TMEM209: variants seen among roughly 807,000 people sequenced by gnomAD.
TMEM209 encodes transmembrane protein 209, also known as testicular tissue protein Li 202.
A neutral mutation model predicts 76.2 loss-of-function variants in TMEM209; 65 were observed. That is an observed-to-expected ratio of 0.85 (90% CI 0.70 to 1.05). The LOEUF is 1.05. TMEM209 is among the 50% of genes least tolerant of loss of function. The pLI is 0.00. For missense variants in TMEM209, 623 were observed against 685.5 expected (o/e 0.91, Z 1.02); for synonymous variants, 239 against 237.6 (o/e 1.01, Z -0.06).
At chr7:130,170,601 T>C (rs545508180) in intron 13 of TMEM209, 128 bp from the exon 14 acceptor site, 21 of 741,976 alleles carry the variant, frequency 2.8e-5, no homozygotes, top group Middle Eastern at 3.9e-4. Context: ...CTTTCATTTA[T>C]TTATTAAACA....
At chr7:130,172,757 G>C (rs1308183879) in intron 13 of TMEM209, among the ~76,000 whole-genome samples, 1 of 151,994 alleles carries the variant, frequency 6.6e-6, no homozygotes, top group African/African-American at 2.4e-5. Flanking sequence ...CCAGCACTTT[G>C]GGAGGCCGAG....
intron 13 of TMEM209, 59 bp from the exon 14 acceptor site, chr7:130,170,532 G>T: frequency 7.6e-7 from 1 of 1,319,568 alleles, no homozygotes; most frequent in South Asian, 1.2e-5. Flanking sequence ...CAATCTGGTA[G>T]GTAAATACAT....
chr7:130,202,387 C>T (rs1798242231), intron 4 of TMEM209, 145 bp downstream of exon 4: 1 of 1,188,720 alleles, frequency 8.4e-7, no homozygotes, highest in Non-Finnish European at 1.2e-6. Context: ...GAATGATAAT[C>T]ATTGGTCATA....
chr7:130,169,775 C>T (rs548277576), intron 14 of TMEM209, among the ~76,000 whole-genome samples: 4 of 152,096 alleles, frequency 2.6e-5, no homozygotes, highest in Admixed American at 6.5e-5. Context: ...CTTAGTATGG[C>T]AGAGCTGGAC....
intron 14 of TMEM209, among the ~76,000 whole-genome samples, chr7:130,167,687 C>T (rs948304088): frequency 4.9e-4 from 74 of 152,188 alleles, no homozygotes; most frequent in African/African-American, 1.6e-3. Context: ...TCAAGTCTGT[C>T]TAGATTTTTT....
chr7:130,190,919 C>T (rs938657491), intron 6 of TMEM209, among the ~76,000 whole-genome samples: 1 of 151,056 alleles, frequency 6.6e-6, no homozygotes, highest in Non-Finnish European at 1.5e-5. Flanking sequence ...GGCACCTGAG[C>T]GCTGAATTCA....
rs566137590 is a variant in TMEM209, at chr7:130,179,278, A to G, written c.1121-751T>C. Among the ~76,000 whole-genome samples, 694 of 152,214 alleles carry G rather than the reference A, an allele frequency of 4.6e-3. 7 individuals are homozygous for G. Among genetic ancestry groups the G allele is most frequent in the Non-Finnish European group, 7.4e-3 (502 of 68,000 alleles). ...AAGCATTTTAATTTGCACGATCTAC[A>G]TTACCTAGAACCATTCCCAGCAAGA... On this transcript the variant is annotated intron_variant, in intron 9 of 14. Transcript: ENST00000397622.
At chr7:130,194,250 G>A (rs1797896703) in intron 5 of TMEM209, among the ~76,000 whole-genome samples, 1 of 151,174 alleles carries the variant, frequency 6.6e-6, no homozygotes, top group Non-Finnish European at 1.5e-5. Context: ...TGATCATGGG[G>A]GAGGCTATGC....
At chr7:130,205,151 C>T (rs1798399338) in intron 1 of TMEM209, 3 of 1,460,934 alleles carry the variant, frequency 2.1e-6, no homozygotes, top group South Asian at 2.8e-5. Flanking sequence ...TTTCGCGCCA[C>T]TCAGCCCCCG....
intron 10 of TMEM209, among the ~76,000 whole-genome samples, chr7:130,177,102 C>G (rs1182204093): frequency 6.6e-6 from 1 of 151,350 alleles, no homozygotes; most frequent in African/African-American, 2.4e-5. Context: ...CCTGTAATCC[C>G]AGCACTTTAG....
chr7:130,167,423 T>C (rs1193559782), intron 14 of TMEM209, among the ~76,000 whole-genome samples: 1 of 152,182 alleles, frequency 6.6e-6, no homozygotes, highest in Non-Finnish European at 1.5e-5. Flanking sequence ...GACTTGTTTG[T>C]ACATGAGTCT....
At chr7:130,188,415 T>A (rs1797677376) in intron 6 of TMEM209, among the ~76,000 whole-genome samples, 2 of 151,576 alleles carry the variant, frequency 1.3e-5, no homozygotes, top group Non-Finnish European at 2.9e-5. Context: ...GCTAACATGG[T>A]GAAACCCCGT....
chr7:130,181,766 C>A, intron 8 of TMEM209, 47 bp from the exon 9 acceptor site: 1 of 1,462,298 alleles, frequency 6.8e-7, no homozygotes. Flanking sequence ...TCCCAAGTAG[C>A]TGTCAAATAA....
intron 5 of TMEM209, among the ~76,000 whole-genome samples, chr7:130,195,693 C>T (rs184158245): frequency 4.4e-4 from 66 of 151,100 alleles, no homozygotes; most frequent in African/African-American, 1.6e-3. Flanking sequence ...ACAACTTTCA[C>T]ATTGTCCTAT....
chr7:130,204,793 C>T (rs933468176), intron 1 of TMEM209, among the ~76,000 whole-genome samples: 1 of 152,170 alleles, frequency 6.6e-6, no homozygotes, highest in South Asian at 2.1e-4. Flanking sequence ...CTCAAAATGT[C>T]AAGTTTTGGG....
Position 130,198,330 on chromosome 7 carries a change from G to T in TMEM209, c.573+3520C>A, listed in dbSNP as rs1480504369. Among the ~76,000 whole-genome samples the T allele has an allele frequency of 1.3e-5, 2 of 152,132 alleles. 1 individual carries two copies. The highest frequency in any genetic ancestry group is 3.8e-4 in the East Asian group (2 of 5,206). The stretch of plus-strand genomic sequence containing the variant: ...TTTTTATTTTTTAAAACAAAAATGG[G>T]TAGGGCGAGGTGGCTCATGCCTGTA... On this transcript the variant is annotated intron_variant, in intron 5 of 14. Transcript: ENST00000397622.
In TMEM209 at chr7:130,175,629, T is replaced by C; in HGVS notation, c.1247-20A>G. 1 of 1,593,014 alleles carries C rather than the reference T, an allele frequency of 6.3e-7. No homozygotes were observed. Among genetic ancestry groups the C allele is most frequent in the Middle Eastern group, 1.7e-4 (1 of 6,026 alleles). On this transcript the variant is annotated intron_variant, in intron 10 of 14. Transcript: ENST00000397622. ...ATAGTTCTGTGGCAACAAGGTGAAA[T>C]TTTTAAAAGCTAAGAGTATGCAAAA...
At chr7:130,201,669 TTC>T (rs1315228087) in intron 5 of TMEM209, 179 bp downstream of exon 5, 2 of 751,886 alleles carry the variant, frequency 2.7e-6, no homozygotes, top group South Asian at 4.0e-5. Flanking sequence ...TGCTAATTTT[TTC>T]TCTTTCATTT....
rs1224268970 is a variant in TMEM209 at position 130,181,696 on chromosome 7, C to G, written c.1047G>C (p.Val349=). ...CAGACTCAATCTCTTGAACAAGTGG[C>G]ACTAATATTGTCTCATTGATCCACT... The part of the protein sequence containing the change: ...FRNWINETIL[V]PLVQEIESVS... The change falls in exon 9 of 15, where the codon GTG becomes GTC. Residue 349 remains valine (V), a synonymous_variant. Transcript: ENST00000397622. The G allele has an allele frequency of 6.2e-7, 1 of 1,610,154 alleles. No individual in the cohort carries two copies. The highest frequency in any genetic ancestry group is 1.3e-5 in the African/African-American group (1 of 74,902).
Sources: allele counts gnomAD v4.1 joint callset (sites outside exome capture counted in the v4.1 genomes callset), GRCh38; gene constraint gnomAD v4.1.1; transcripts MANE v1.5; gene names NCBI Gene and HGNC (gene_info 2026-07-23, HGNC 2026-07-21).